COL6A2: variants seen among roughly 807,000 people sequenced by gnomAD.
COL6A2 encodes the protein collagen alpha-2(VI) chain.
Under a neutral mutation model 124.9 loss-of-function variants are expected in COL6A2, and 90 were observed. The observed-to-expected ratio is 0.72, with a 90% CI of 0.61 to 0.86. The LOEUF is 0.86. Ranked by LOEUF, COL6A2 falls within the 40% of genes least tolerant of loss-of-function variation. The pLI is 0.00. For synonymous variants in COL6A2, 793 were observed against 618.2 expected (o/e 1.28, Z -4.19); for missense variants, 1,607 against 1,502.5 (o/e 1.07, Z -1.15).
In COL6A2 at chr21:46,121,484, G is replaced by A. The variant is rs2078565273; in HGVS notation, c.1459-72G>A. The A allele has an allele frequency of 2.8e-6, 4 of 1,442,762 alleles. No individual in the cohort carries two copies. In the South Asian group the frequency reaches 4.6e-5, roughly 17 times the overall value. The allele number at this position is 1,442,762 out of a possible 1,614,324, so 89.4% of individuals were successfully genotyped here. On this transcript the variant is annotated intron_variant, in intron 17 of 27. Coordinates refer to ENST00000300527, the MANE Select transcript of COL6A2 (RefSeq NM_001849.4). ...GGCCTGGTGGTCAGGGCTGGACGGG[G>A]CATGTCAGGTGACCCCTGGGCATGG...
intron 1 of COL6A2, among the ~76,000 whole-genome samples, chr21:46,102,896 T>C (rs1226263163): frequency 6.6e-6 from 1 of 152,200 alleles, no homozygotes; most frequent in African/African-American, 2.4e-5. Context: ...TCTTGCAATA[T>C]CTTTGTCTGG....
intron 1 of COL6A2, chr21:46,099,207 T>G (rs1381925200): frequency 6.6e-6 from 1 of 152,396 alleles, no homozygotes; most frequent in African/African-American, 2.4e-5. Context: ...ATCCCAACAC[T>G]TGGGGAGGCC....
At chr21:46,127,515 T>TG (rs1568942354) in intron 27 of COL6A2, among the ~76,000 whole-genome samples, 2 of 152,108 alleles carry the variant, frequency 1.3e-5, no homozygotes, top group Non-Finnish European at 2.9e-5. Context: ...GGGCAGCCTC[T>TG]GGCCCCACAA....
chr21:46,113,860 C>T lies in COL6A2; in HGVS notation c.736-148C>T, dbSNP rs553031081. On this transcript the variant is annotated intron_variant, in intron 4 of 27. Coordinates refer to ENST00000300527, the MANE Select transcript of COL6A2 (RefSeq NM_001849.4). The stretch of plus-strand genomic sequence containing the variant: ...CCTCACAGCACCCCATGTCTCACAG[C>T]TCCCTCACGCCCGCCCAGGTTCTCA... 189 of 716,134 alleles carry T rather than the reference C, an allele frequency of 2.6e-4. No homozygotes were observed. The East Asian group carries it at 3.8e-3, about 14-fold the overall frequency. 44.4% of individuals were successfully genotyped at this position (716,134 alleles called of 1,614,324 possible). A position where few individuals can be genotyped will look rare whatever the true frequency, so the allele number is the denominator to read the frequency against.
At chr21:46,115,012 C>CAA (rs2123623277) in intron 5 of COL6A2, among the ~76,000 whole-genome samples, 1 of 152,382 alleles carries the variant, frequency 6.6e-6, no homozygotes, top group African/African-American at 2.4e-5. Context: ...CAGGATGAGA[C>CAA]ATCTCGAGGC....
In COL6A2 at chr21:46,122,932, G is replaced by A. The variant is rs368878639; in HGVS notation, c.1666G>A (p.Glu556Lys). 1.9e-5 allele frequency: 30 copies of A among 1,613,128 alleles called. No homozygotes were observed. Among genetic ancestry groups the A allele is most frequent in the Non-Finnish European group, 2.3e-5 (27 of 1,179,964 alleles). ...ACCTGGGAGGAAAGGAGAGAAAGGA[G>A]AGCCTGTGAGTGTCACCGTCCCGAA... ...GEPGRKGEKG[E>K]PADPGPPGEP... is the part of the protein sequence containing the mutation. Residue 556 changes from glutamate (E) to lysine (K), a missense_variant, in exon 21 of 28, where the codon GAG becomes AAG. Transcript: ENST00000300527.
intron 4 of COL6A2, 102 bp downstream of exon 4, chr21:46,112,926 T>G (rs2078425308): frequency 2.0e-6 from 3 of 1,483,432 alleles, no homozygotes; most frequent in Middle Eastern, 1.7e-4. Context: ...CTGGAACAGA[T>G]GAGAGGAGAG....
Position 46,112,031 on chromosome 21 carries a change from C to T in COL6A2, c.168C>T (p.Ser56=), listed in dbSNP as rs749106470. 23 of 1,612,904 alleles carry T rather than the reference C, an allele frequency of 1.4e-5. No homozygotes were observed. Among genetic ancestry groups the T allele is most frequent in the Middle Eastern group, 1.6e-4 (1 of 6,062 alleles). ...ACTTCGTGCTGGACACCTCGGAGAG[C>T]GTCACCATGCAGTCCCCCACGGACA... ...HVYFVLDTSE[S]VTMQSPTDIL... The change falls in exon 3 of 28, where the codon AGC becomes AGT. Residue 56 remains serine, a synonymous_variant. Coordinates refer to ENST00000300527, the MANE Select transcript of COL6A2 (RefSeq NM_001849.4).
chr21:46,126,586 G>A, intron 27 of COL6A2, 45 bp downstream of exon 27: 1 of 1,611,538 alleles, frequency 6.2e-7, no homozygotes, highest in East Asian at 2.2e-5. Flanking sequence ...TAGCAAAGCA[G>A]CCCTGGTGTC....
rs768417049 is a variant in COL6A2 at position 46,126,235 on chromosome 21, C to T, written c.2420C>T (p.Pro807Leu). 19 of 1,598,818 alleles carry T rather than the reference C, an allele frequency of 1.2e-5. No individual in the cohort carries two copies. The highest frequency in any genetic ancestry group is 5.5e-5 in the South Asian group (5 of 91,048). ...FIDDMEDVLC[P>L]DPQIVCPDLP... Reference sequence around the variant, plus strand: ...GATGACATGGAGGACGTCCTCTGCCCGGGTGAGCGTGTGGGCGCGGGGCAG... The same window carrying T: ...GATGACATGGAGGACGTCCTCTGCCTGGGTGAGCGTGTGGGCGCGGGGCAG... The change falls in exon 26 of 28, where the codon CCG becomes CTG. Residue 807 changes from proline to leucine, a missense_variant and splice_region_variant. Around this residue, in one of 3 missense-constraint regions of COL6A2, gnomAD observed 1,223 missense variants for 1,052.2 expected, o/e 1.16. Transcript: ENST00000300527.
chr21:46,128,262 G>A (rs549879900), intron 27 of COL6A2, among the ~76,000 whole-genome samples: 3 of 152,332 alleles, frequency 2.0e-5, no homozygotes, highest in Admixed American at 2.0e-4. Context: ...CAGTGAGTGG[G>A]AGCAGCCCTG....
intron 1 of COL6A2, among the ~76,000 whole-genome samples, chr21:46,107,892 C>T (rs765362544): frequency 2.0e-5 from 3 of 152,150 alleles, no homozygotes; most frequent in Non-Finnish European, 4.4e-5. Flanking sequence ...GCACCCCAGC[C>T]ACCTTGGGTA....
chr21:46,112,233 G>A lies in COL6A2; in HGVS notation c.370G>A (p.Gly124Ser). The change falls in exon 3 of 28, where the codon GGC becomes AGC. Residue 124 changes from glycine (G) to serine (S), a missense_variant. Transcript: ENST00000300527. ...GGCCTCCTTCATCAAGAACCTGCAG[G>A]GCATCAGCTCCTTCCGCCGCGGCAC... Reference protein sequence around the residue: ...DRASFIKNLQGISSFRRGTFT... With the variant: ...DRASFIKNLQSISSFRRGTFT... 1.9e-6 allele frequency: 3 copies of A among 1,612,862 alleles called. No homozygotes were observed. The highest frequency in any genetic ancestry group is 2.5e-6 in the Non-Finnish European group (3 of 1,180,024).
At chr21:46,127,737 C>T (rs1245522406) in intron 27 of COL6A2, among the ~76,000 whole-genome samples, 1 of 152,142 alleles carries the variant, frequency 6.6e-6, no homozygotes, top group African/African-American at 2.4e-5. Context: ...GGGGGGCCTT[C>T]CTCTCCACTC....
At chr21:46,123,152 ACATCCCCCCCACAG>A (rs1476505261) in intron 21 of COL6A2, among the ~76,000 whole-genome samples, 8 of 31,544 alleles carry the variant, frequency 2.5e-4, no homozygotes, top group East Asian at 2.1e-3. Context: ...TGACCCCCCA[ACATCCCCCCCACAG>A]CATCCCCCAC....
chr21:46,124,855 A>C, intron 22 of COL6A2, 30 bp from the exon 23 acceptor site: 6 of 1,612,642 alleles, frequency 3.7e-6, no homozygotes, highest in Non-Finnish European at 3.4e-6. Context: ...CCTTGGCCCC[A>C]GAGTCTCAGC....
At chr21:46,112,860 G>A in intron 4 of COL6A2, 36 bp downstream of exon 4, 1 of 1,613,078 alleles carries the variant, frequency 6.2e-7, no homozygotes, top group South Asian at 1.1e-5. Context: ...GTGCTGGCCG[G>A]CAGCTGACCC....
Position 46,132,603 on chromosome 21 carries a change from G to A in COL6A2, c.*51G>A, listed in dbSNP as rs1242868858. 1 of 1,512,904 alleles carries A rather than the reference G, an allele frequency of 6.6e-7. No homozygotes were observed. The highest frequency in any genetic ancestry group is 8.9e-7 in the Non-Finnish European group (1 of 1,120,928). 93.7% of individuals were successfully genotyped at this position (1,512,904 alleles called of 1,614,324 possible). On this transcript the variant is annotated 3_prime_UTR_variant, in exon 28 of 28. Transcript: ENST00000300527. ...AGGGTCGTGAGCCCACCCCGTCCAT[G>A]GTGCTAAGCGGGCCCGGGTCCCACA...
At chr21:46,124,149 G>A (rs1013408235) in intron 21 of COL6A2, among the ~76,000 whole-genome samples, 4 of 151,390 alleles carry the variant, frequency 2.6e-5, no homozygotes, top group Admixed American at 6.6e-5. Context: ...GTAAGTGAGT[G>A]GATAGATAGA....
Sources: allele counts gnomAD v4.1 joint callset (sites outside exome capture counted in the v4.1 genomes callset), GRCh38; gene constraint gnomAD v4.1.1; regional missense constraint gnomAD v4.1.1; transcripts MANE v1.5; gene names NCBI Gene and HGNC (gene_info 2026-07-23, HGNC 2026-07-21).